IL37: variants seen among roughly 807,000 people sequenced by gnomAD.
The protein encoded by IL37 is interleukin 37, also known as interleukin-37.
Under a neutral mutation model 15.4 loss-of-function variants are expected in IL37, and 15 were observed. The observed-to-expected ratio is 0.98, with a 90% CI of 0.65 to 1.50. The LOEUF (loss-of-function observed/expected upper bound fraction) is 1.50. Ranked by LOEUF, IL37 falls within the 40% of genes most tolerant of loss-of-function variation. The pLI, the probability that IL37 is intolerant of heterozygous loss-of-function variation, is 0.00. For missense variants in IL37, 269 were observed against 261.7 expected (o/e 1.03, Z -0.19); for synonymous variants, 98 against 97.4 (o/e 1.01, Z -0.03).
chr2:112,914,240 G>A (rs558657593), intron 3 of IL37, among the ~76,000 whole-genome samples: 13 of 152,128 alleles, frequency 8.5e-5, no homozygotes, highest in East Asian at 3.9e-4. Context: ...TCAGGGCGGC[G>A]CCTTCAGAGC....
intron 1 of IL37, among the ~76,000 whole-genome samples, chr2:112,911,577 G>T (rs1683179223): frequency 6.6e-6 from 1 of 152,160 alleles, no homozygotes; most frequent in Non-Finnish European, 1.5e-5. Flanking sequence ...TGGTCCTTGG[G>T]AACAGATTTT....
chr2:112,913,200 G>GGAAA (rs1243687523), intron 2 of IL37, 106 bp downstream of exon 2: 2 of 640,748 alleles, frequency 3.1e-6, no homozygotes, highest in Admixed American at 7.3e-5. Context: ...GACTTGCACA[G>GGAAA]TAAGTGAGCT....
intron 1 of IL37, among the ~76,000 whole-genome samples, chr2:112,911,556 C>G (rs985327770): frequency 2.6e-5 from 4 of 152,162 alleles, no homozygotes; most frequent in African/African-American, 9.7e-5. Flanking sequence ...ACTTTAGAGT[C>G]TAGAAAATAT....
Position 112,918,615 on chromosome 2 carries a change from A to G in IL37, c.463A>G (p.Ile155Val), listed in dbSNP as rs746306857. 6.8e-6 allele frequency: 11 copies of G among 1,613,842 alleles called. No individual in the cohort carries two copies. In the East Asian group the frequency reaches 1.8e-4, roughly 26 times the overall value. Residue 155 changes from isoleucine to valine, a missense_variant, in exon 6 of 6, where the codon ATC becomes GTC. Transcript: ENST00000263326. ...AAAGGAATCAGCACGCCGGCCCTTC[A>G]TCTTTTATAGGGCTCAGGTGGGCTC... ...AQKESARRPFIFYRAQVGSWN... is the reference protein window; with the variant it reads ...AQKESARRPFVFYRAQVGSWN...
In IL37 at chr2:112,913,111, A is replaced by G; in HGVS notation, c.82+17A>G. 6.6e-7 allele frequency: 1 copy of G among 1,510,390 alleles called. No homozygotes were observed. Among genetic ancestry groups the G allele is most frequent in the African/African-American group, 1.5e-5 (1 of 68,610 alleles). The allele number at this position is 1,510,390 out of a possible 1,614,324, so 93.6% of individuals were successfully genotyped here. ...GCTTAGAAGGTAAGGTTCTTGTAGA[A>G]ATCTACCTCAGGGCCAAAGTGTAAT... On this transcript the variant is annotated intron_variant, in intron 2 of 5. Coordinates refer to ENST00000263326, the MANE Select transcript of IL37 (RefSeq NM_014439.4).
At chr2:112,913,681 T>C (rs1683232019) in intron 2 of IL37, 111 bp from the exon 3 acceptor site, 1 of 785,874 alleles carries the variant, frequency 1.3e-6, no homozygotes, top group Admixed American at 2.1e-5. Flanking sequence ...ATCATGCTGC[T>C]CTAGTATTTC....
In IL37 at chr2:112,913,083, G is replaced by A; in HGVS notation, c.71G>A (p.Cys24Tyr). The change falls in exon 2 of 6, where the codon TGC (cysteine) becomes TAC (tyrosine). Residue 24 changes from cysteine (C) to tyrosine (Y), a missense_variant. Physicochemically the swap from Cys to Tyr is radical, Grantham distance 194 (BLOSUM62 -2). Transcript: ENST00000263326. ...SEDWEKDEPQ[C>Y]CLEDPAGSPL... ...GACTGGGAAAAAGATGAACCCCAGT[G>A]CTGCTTAGAAGGTAAGGTTCTTGTA... 1 of 1,561,914 alleles carries A rather than the reference G, an allele frequency of 6.4e-7. No homozygotes were observed. The highest frequency in any genetic ancestry group is 8.6e-7 in the Non-Finnish European group (1 of 1,160,136).
At chr2:112,915,284 GA>G in intron 3 of IL37, 1 of 1,596,152 alleles carries the variant, frequency 6.3e-7, no homozygotes, top group Non-Finnish European at 8.6e-7. Flanking sequence ...GATGGTGCTA[GA>G]AAAGTAGCTT....
Position 112,912,972 on chromosome 2 carries a change from T to A in IL37, c.-41T>A. ...CTTTCTATCTCCTTAGGTCTTGGAC[T>A]TCATTCCATTTTCTGTTGAGTAATA... On this transcript the variant is annotated 5_prime_UTR_variant, in exon 2 of 6. Coordinates refer to ENST00000263326, the MANE Select transcript of IL37 (RefSeq NM_014439.4). The A allele has an allele frequency of 6.8e-7, 1 of 1,478,598 alleles. No homozygotes were observed. The highest frequency in any genetic ancestry group is 9.2e-7 in the Non-Finnish European group (1 of 1,082,250). 91.6% of individuals were successfully genotyped at this position (1,478,598 alleles called of 1,614,324 possible).
rs1351920141 is a variant in IL37 at position 112,918,708 on chromosome 2, C to T, written c.556C>T (p.Pro186Ser). ...CTGCACCTCCTGCAATTGTAATGAG[C>T]CTGTTGGGGTGACAGATAAATTTGA... is the stretch of plus-strand genomic sequence containing the variant. ...FICTSCNCNE[P>S]VGVTDKFENR... The change falls in exon 6 of 6, where the codon CCT (proline) becomes TCT (serine). Residue 186 changes from proline (P) to serine (S), a missense_variant. Transcript: ENST00000263326. The T allele has an allele frequency of 4.3e-6, 7 of 1,614,086 alleles. No individual in the cohort carries two copies. Among genetic ancestry groups the T allele is most frequent in the Non-Finnish European group, 4.2e-6 (5 of 1,180,014 alleles).
rs780203875 is a variant in IL37 at position 112,918,632 on chromosome 2, G to A, written c.480G>A (p.Gln160=). ...GGCCCTTCATCTTTTATAGGGCTCA[G>A]GTGGGCTCCTGGAACATGCTGGAGT... is the stretch of plus-strand genomic sequence containing the variant. ...ARRPFIFYRA[Q]VGSWNMLESA... Residue 160 remains glutamine, a synonymous_variant, in exon 6 of 6, where the codon CAG becomes CAA. Coordinates refer to ENST00000263326, the MANE Select transcript of IL37 (RefSeq NM_014439.4). 122 of 1,613,986 alleles carry A rather than the reference G, an allele frequency of 7.6e-5. No homozygotes were observed. Among genetic ancestry groups the A allele is most frequent in the Non-Finnish European group, 7.0e-5 (83 of 1,180,052 alleles).
rs1361745286 is a variant in IL37, at chr2:112,913,064, GA to G, written c.57del (p.Asp20MetfsTer7). The G allele has an allele frequency of 2.5e-6, 4 of 1,570,830 alleles. No homozygotes were observed. Among genetic ancestry groups the G allele is most frequent in the South Asian group, 1.2e-5 (1 of 83,210 alleles). The stretch of plus-strand genomic sequence containing the variant: ...AGTGAAAATGGGCTCTGAGGACTGG[GA>G]AAAAGATGAACCCCAGTGCTGCTTA... ...SGVKMGSEDW[E>X]KDEPQCCLED... On this transcript the variant is annotated frameshift_variant, in exon 2 of 6. Coordinates refer to ENST00000263326, the MANE Select transcript of IL37 (RefSeq NM_014439.4). LOFTEE classifies it high-confidence loss of function.
In IL37 at chr2:112,918,595, A is replaced by C; in HGVS notation, c.443A>C (p.Glu148Ala). The C allele has an allele frequency of 6.2e-7, 1 of 1,612,850 alleles. No homozygotes were observed. Among genetic ancestry groups the C allele is most frequent in the Middle Eastern group, 1.9e-4 (1 of 5,288 alleles). Reference protein sequence around the residue: ...EKLMKLAAQKESARRPFIFYR... With the variant: ...EKLMKLAAQKASARRPFIFYR... ...CTGATGAAGCTGGCTGCCCAAAAGG[A>C]ATCAGCACGCCGGCCCTTCATCTTT... The change falls in exon 6 of 6, where the codon GAA becomes GCA. Residue 148 changes from glutamate to alanine, a missense_variant. Glu to Ala is a moderately radical substitution (Grantham distance 107, BLOSUM62 -1). Coordinates refer to ENST00000263326, the MANE Select transcript of IL37 (RefSeq NM_014439.4).
In IL37 at chr2:112,917,235, C is replaced by T. The variant is rs1683334939; in HGVS notation, c.252C>T (p.Asn84=). Residue 84 remains asparagine (N), a synonymous_variant, in exon 4 of 6, where the codon AAC becomes AAT. Transcript: ENST00000263326. ...SGNLIAVPDK[N]YIRPEIFFAL... ...ATCTCATAGCAGTTCCAGATAAAAA[C>T]TACATACGCCCAGGTGACTCTCAGT... The T allele has an allele frequency of 2.5e-6, 4 of 1,614,032 alleles. No individual in the cohort carries two copies. The East Asian group carries it at 8.9e-5, about 36-fold the overall frequency.
At chr2:112,917,383 G>C (rs1000387037) in intron 4 of IL37, 135 bp downstream of exon 4, 4 of 1,040,828 alleles carry the variant, frequency 3.8e-6, no homozygotes, top group Non-Finnish European at 5.7e-6. Flanking sequence ...AGGCCCCAGG[G>C]ACTAGGGCAT....
In IL37 at chr2:112,913,813, A is replaced by T. The variant is rs1371484265; in HGVS notation, c.104A>T (p.Glu35Val). ...CLEDPAGSPL[E>V]PGPSLPTMNF... ...GCAGACCCGGCTGGAAGCCCCCTGG[A>T]ACCAGGCCCAAGCCTCCCCACCATG... The change falls in exon 3 of 6, where the codon GAA becomes GTA. Residue 35 changes from glutamate (E) to valine (V), a missense_variant. Transcript: ENST00000263326. 24 of 1,613,606 alleles carry T rather than the reference A, an allele frequency of 1.5e-5. No individual in the cohort carries two copies. The highest frequency in any genetic ancestry group is 1.9e-5 in the Non-Finnish European group (22 of 1,179,660).
chr2:112,911,258 C>G lies in IL37; in HGVS notation c.-51+10C>G, dbSNP rs1248810110. Reference sequence around the variant, plus strand: ...AGGATCCCTGGCCCAGGTAGGTGGTCCTCCTGCACTGGCTTTCAAGGCCAA... The same window carrying G: ...AGGATCCCTGGCCCAGGTAGGTGGTGCTCCTGCACTGGCTTTCAAGGCCAA... On this transcript the variant is annotated intron_variant, in intron 1 of 5. Coordinates refer to ENST00000263326, the MANE Select transcript of IL37 (RefSeq NM_014439.4). Among the ~76,000 whole-genome samples the G allele has an allele frequency of 6.6e-6, 1 of 152,214 alleles. No homozygotes were observed. The highest frequency in any genetic ancestry group is 1.5e-5 in the Non-Finnish European group (1 of 68,034).
Position 112,918,837 on chromosome 2 carries a change from G to A in IL37, c.*28G>A, listed in dbSNP as rs776806916. ...AACTGCCCCATTGAACGCCTTCCTC[G>A]CTAATTTGAACTAATTGTATAAAAA... On this transcript the variant is annotated 3_prime_UTR_variant, in exon 6 of 6. Transcript: ENST00000263326. The A allele has an allele frequency of 5.0e-6, 8 of 1,593,744 alleles. No individual in the cohort carries two copies. The highest frequency in any genetic ancestry group is 2.2e-5 in the South Asian group (2 of 89,060).
intron 1 of IL37, among the ~76,000 whole-genome samples, chr2:112,912,506 G>A (rs1359311017): frequency 3.3e-5 from 5 of 152,152 alleles, no homozygotes; most frequent in Non-Finnish European, 7.3e-5. Context: ...AAGTATTTTA[G>A]GCTTTGCTTG....
Sources: allele counts gnomAD v4.1 joint callset (sites outside exome capture counted in the v4.1 genomes callset), GRCh38; gene constraint gnomAD v4.1.1; transcripts MANE v1.5; gene names NCBI Gene and HGNC (gene_info 2026-07-23, HGNC 2026-07-21).